CDH20: variants seen among roughly 807,000 people sequenced by gnomAD.
CDH20 encodes the protein cadherin-20.
A neutral mutation model predicts 74.2 loss-of-function variants in CDH20; 29 were observed. The observed-to-expected ratio is 0.39, with a 90% CI of 0.29 to 0.53. CDH20 has a LOEUF of 0.53. CDH20 is among the 20% of genes least tolerant of loss of function. The pLI, the probability that CDH20 is intolerant of heterozygous loss-of-function variation, is 0.69. For synonymous variants in CDH20, 469 were observed against 405.4 expected, an observed-to-expected ratio of 1.16 and a Z score of -1.88; for missense variants, 988 against 1,048.3, an observed-to-expected ratio of 0.94 and a Z score of 0.79.
At chr18:61,349,780 G>A (rs182744643) in intron 1 of CDH20, among the ~76,000 whole-genome samples, 290 of 151,066 alleles carry the variant, frequency 1.9e-3, no homozygotes, top group Non-Finnish European at 3.5e-3. Flanking sequence ...AAAAAAGAGA[G>A]AAGGGCAAAC....
intron 9 of CDH20, among the ~76,000 whole-genome samples, chr18:61,542,048 T>C (rs1305087100): frequency 1.3e-5 from 2 of 152,166 alleles, no homozygotes; most frequent in East Asian, 3.9e-4. Context: ...GTCTCACCAA[T>C]ATATACACAA....
At chr18:61,544,896 C>T (rs1913179827) in intron 9 of CDH20, 131 bp from the exon 10 acceptor site, 2 of 676,838 alleles carry the variant, frequency 3.0e-6, no homozygotes, top group Admixed American at 4.1e-5. Context: ...CCCTGCCCCT[C>T]TCCCATACCA....
At chr18:61,506,491 G>A (rs1911564701) in intron 5 of CDH20, among the ~76,000 whole-genome samples, 1 of 152,142 alleles carries the variant, frequency 6.6e-6, no homozygotes, top group African/African-American at 2.4e-5. Context: ...GAATAAAAGG[G>A]AACACGTACA....
intron 1 of CDH20, among the ~76,000 whole-genome samples, chr18:61,470,606 GA>G (rs370509015): frequency 0.013 from 1,845 of 143,348 alleles, 31 homozygotes; most frequent in African/African-American, 0.039. Context: ...AACCTGGAAA[GA>G]AAAAAAAAAG....
At chr18:61,462,728 G>C (rs1014219304) in intron 1 of CDH20, among the ~76,000 whole-genome samples, 1 of 145,086 alleles carries the variant, frequency 6.9e-6, no homozygotes, top group African/African-American at 2.5e-5. Context: ...AAAAAAAGGG[G>C]GGGGGGGCAT....
chr18:61,369,148 T>C (rs1279408152), intron 1 of CDH20, among the ~76,000 whole-genome samples: 3 of 151,852 alleles, frequency 2.0e-5, no homozygotes, highest in African/African-American at 4.8e-5. Flanking sequence ...CCGGTGGATA[T>C]GTATATTTCA....
rs141330129 is a variant in CDH20, at chr18:61,504,182, C to T, written c.829+1062C>T. On this transcript the variant is annotated intron_variant, in intron 5 of 11. Coordinates refer to ENST00000262717, the MANE Select transcript of CDH20 (RefSeq NM_031891.4). ...AGCAAGAGGGAGACATAAAGAAAGGCTAATTTGGTAGCCATGTAGAGGAGG... is the reference window on the plus strand; with the variant it reads ...AGCAAGAGGGAGACATAAAGAAAGGTTAATTTGGTAGCCATGTAGAGGAGG... 3.7e-3 allele frequency among the ~76,000 whole-genome samples: 560 copies of T among 152,224 alleles called. 3 individuals carry two copies. The highest frequency in any genetic ancestry group is 0.013 in the African/African-American group (524 of 41,512).
At chr18:61,451,040 G>T (rs922948638) in intron 1 of CDH20, among the ~76,000 whole-genome samples, 1 of 151,770 alleles carries the variant, frequency 6.6e-6, no homozygotes. Context: ...AATATGGCTT[G>T]GTCAAAGAAT....
chr18:61,344,821 C>T (rs887119365), intron 1 of CDH20, among the ~76,000 whole-genome samples: 1 of 152,084 alleles, frequency 6.6e-6, no homozygotes, highest in Admixed American at 6.5e-5. Flanking sequence ...TTCATTTCCA[C>T]AAGTTCAGAA....
chr18:61,449,547 G>A (rs566037771), intron 1 of CDH20, among the ~76,000 whole-genome samples: 5 of 152,036 alleles, frequency 3.3e-5, no homozygotes, highest in African/African-American at 1.2e-4. Context: ...TTGTCCAAGC[G>A]AATAGGTGGT....
intron 5 of CDH20, among the ~76,000 whole-genome samples, chr18:61,505,615 C>T (rs1438535075): frequency 1.3e-5 from 2 of 152,204 alleles, no homozygotes; most frequent in African/African-American, 4.8e-5. Flanking sequence ...ATATTACAGG[C>T]ATGAGCCACC....
In CDH20 at chr18:61,554,330, G is replaced by A. The variant is rs757821840; in HGVS notation, c.2041G>A (p.Ala681Thr). The A allele has an allele frequency of 1.3e-5, 21 of 1,613,670 alleles. No homozygotes were observed. The South Asian group carries it at 2.1e-4, about 16-fold the overall frequency. The change falls in exon 12 of 12, where the codon GCG becomes ACG. Residue 681 changes from alanine to threonine, a missense_variant. By Grantham distance (58) the Ala-to-Thr change is moderately conservative. Around this residue, in one of 2 missense-constraint regions of CDH20, gnomAD observed 375 missense variants for 293.1 expected, o/e 1.28. Coordinates refer to ENST00000262717, the MANE Select transcript of CDH20 (RefSeq NM_031891.4). ...GGAGGACACCGAGGCCTTCGACATCGCGGCCATGTGGAACCCCCGGGAGGC... is the reference window on the plus strand; with the variant it reads ...GGAGGACACCGAGGCCTTCGACATCACGGCCATGTGGAACCCCCGGGAGGC... ...GEEDTEAFDI[A>T]AMWNPREAQA...
At chr18:61,528,705 T>C (rs1303264776) in intron 7 of CDH20, among the ~76,000 whole-genome samples, 1 of 152,138 alleles carries the variant, frequency 6.6e-6, no homozygotes, top group Admixed American at 6.6e-5. Context: ...GAGCTACTGA[T>C]TCAGATAAAG....
Position 61,443,873 on chromosome 18 carries a change from G to T in CDH20, c.-152-46529G>T, listed in dbSNP as rs74970390. Among the ~76,000 whole-genome samples, 24 of 152,194 alleles carry T rather than the reference G, an allele frequency of 1.6e-4. No individual in the cohort carries two copies. In the East Asian group the frequency reaches 4.3e-3, roughly 27 times the overall value. On this transcript the variant is annotated intron_variant, in intron 1 of 11. Coordinates refer to ENST00000262717, the MANE Select transcript of CDH20 (RefSeq NM_031891.4). ...CATGTTGGGGACAGAAAGGGAAAAG[G>T]AGAGAGTACAACACTGGTAGGGATC...
Position 61,554,682 on chromosome 18 carries a change from C to A in CDH20, c.2393C>A (p.Ala798Glu). Residue 798 changes from alanine to glutamate, a missense_variant, in exon 12 of 12, where the codon GCG (alanine) becomes GAG (glutamate). Physicochemically the swap from Ala to Glu is moderately radical, Grantham distance 107 (BLOSUM62 -1). Coordinates refer to ENST00000262717, the MANE Select transcript of CDH20 (RefSeq NM_031891.4). ...CTCTACGGGGCGTCGGAGGGACCCG[C>A]GCCGCTGTGGTGACGGAAGCCAGGA... ...AELYGASEGP[A>E]PLW is the part of the protein sequence containing the mutation. The A allele has an allele frequency of 6.4e-7, 1 of 1,571,062 alleles. No individual in the cohort carries two copies. The highest frequency in any genetic ancestry group is 8.6e-7 in the Non-Finnish European group (1 of 1,157,502).
intron 1 of CDH20, among the ~76,000 whole-genome samples, chr18:61,432,540 G>A (rs532654851): frequency 1.3e-5 from 2 of 152,308 alleles, no homozygotes; most frequent in South Asian, 4.1e-4. Flanking sequence ...GTTCAGTACT[G>A]CAATACTAAA....
At position 61,495,417 on chromosome 18, in the gene CDH20, TG is replaced by T. The variant is rs1448074637; in HGVS notation, c.247-3765del. ...CCTTTCCATACTCTGCTTTGGGTGCTGGGGCTGAAACTCTCCAAGCCGTAAT... is the reference window on the plus strand; with the variant it reads ...CCTTTCCATACTCTGCTTTGGGTGCTGGGCTGAAACTCTCCAAGCCGTAAT... On this transcript the variant is annotated intron_variant, in intron 2 of 11. Transcript: ENST00000262717. 3.9e-5 allele frequency among the ~76,000 whole-genome samples: 6 copies of T among 152,332 alleles called. No individual in the cohort carries two copies. The East Asian group carries it at 1.2e-3, about 29-fold the overall frequency.
In CDH20 at chr18:61,349,823, C is replaced by T. The variant is rs139760059; in HGVS notation, c.-153+15996C>T. The stretch of plus-strand genomic sequence containing the variant: ...AAATTAGGTGTTTTAATCTATCTCA[C>T]GCTGCAGGTTGTCACATGTAATTCG... On this transcript the variant is annotated intron_variant, in intron 1 of 11. Transcript: ENST00000262717. 5.2e-4 allele frequency among the ~76,000 whole-genome samples: 78 copies of T among 151,302 alleles called. No homozygotes were observed. In the East Asian group the frequency reaches 7.8e-3, roughly 15 times the overall value.
At chr18:61,501,259 C>A (rs1911375510) in intron 4 of CDH20, among the ~76,000 whole-genome samples, 1 of 151,898 alleles carries the variant, frequency 6.6e-6, no homozygotes, top group Non-Finnish European at 1.5e-5. Flanking sequence ...CTGTCTTACC[C>A]GAGAGCTTTG....
Sources: gnomAD v4.1 joint callset for allele counts (sites outside exome capture counted in the v4.1 genomes callset) on GRCh38, gnomAD v4.1.1 for gene constraint, gnomAD v4.1.1 regional missense constraint, MANE v1.5 for transcripts, NCBI Gene and HGNC (gene_info 2026-07-23, HGNC 2026-07-21) for gene names.